RFTN1: variants seen among roughly 807,000 people sequenced by gnomAD.
RFTN1 encodes the protein raftlin.
A neutral mutation model predicts 46.5 loss-of-function variants in RFTN1; 26 were observed. The ratio of observed to expected loss-of-function variants is 0.56; its 90% CI spans 0.41 to 0.78. The LOEUF is 0.78. Ranked by LOEUF, RFTN1 falls within the 30% of genes least tolerant of loss-of-function variation. The pLI is 0.00. For synonymous variants in RFTN1, 261 were observed against 284.2 expected (o/e 0.92, Z 0.82); for missense variants, 693 against 718.7 (o/e 0.96, Z 0.41).
At chr3:16,394,191 G>T (rs1372930966) in intron 4 of RFTN1, among the ~76,000 whole-genome samples, 1 of 151,826 alleles carries the variant, frequency 6.6e-6, no homozygotes, top group African/African-American at 2.4e-5. Flanking sequence ...GGGTAACATA[G>T]CATGACCCCA....
rs78695850 is a variant in RFTN1 at position 16,336,388 on chromosome 3, G to C, written c.1147-9512C>G. The stretch of plus-strand genomic sequence containing the variant: ...CCCATGGAGGTGAGGTGGAGGGAGG[G>C]AGAAGGGAAGGGGCGACCTGCTGCT... On this transcript the variant is annotated intron_variant, in intron 7 of 9. Transcript: ENST00000334133. This position sits in a 1 kb window ranked among gnomAD's most constrained non-coding sequence, Gnocchi z 6.0. Among the ~76,000 whole-genome samples, 1 of 152,310 alleles carries C rather than the reference G, an allele frequency of 6.6e-6. No homozygotes were observed. The highest frequency in any genetic ancestry group is 2.1e-4 in the South Asian group (1 of 4,824).
chr3:16,458,447 A>G lies in RFTN1; in HGVS notation c.146-24410T>C, dbSNP rs971501415. The stretch of plus-strand genomic sequence containing the variant: ...CATTTGGAAGACATTTTCCCTCCTC[A>G]TGATGTGAATTTTTCCTTTCACTTG... On this transcript the variant is annotated intron_variant, in intron 2 of 9. Coordinates refer to ENST00000334133, the MANE Select transcript of RFTN1 (RefSeq NM_015150.2). The surrounding 1 kb of genome is among the most constrained non-coding windows in gnomAD (Gnocchi z 5.1). Among the ~76,000 whole-genome samples, 2 of 152,224 alleles carry G rather than the reference A, an allele frequency of 1.3e-5. No homozygotes were observed. Among genetic ancestry groups the G allele is most frequent in the African/African-American group, 4.8e-5 (2 of 41,450 alleles).
At chr3:16,445,423 C>T (rs1314415692) in intron 2 of RFTN1, among the ~76,000 whole-genome samples, 1 of 151,954 alleles carries the variant, frequency 6.6e-6, no homozygotes, top group Non-Finnish European at 1.5e-5. Context: ...TTTCCCCCCA[C>T]TCTGTCTCTC....
rs529611389 is a variant in RFTN1, at chr3:16,499,858, G to T, written c.-8-5981C>A. Among the ~76,000 whole-genome samples, 170 of 152,284 alleles carry T rather than the reference G, an allele frequency of 1.1e-3. No homozygotes were observed. Among genetic ancestry groups the T allele is most frequent in the African/African-American group, 4.0e-3 (165 of 41,558 alleles). On this transcript the variant is annotated intron_variant, in intron 1 of 9. Coordinates refer to ENST00000334133, the MANE Select transcript of RFTN1 (RefSeq NM_015150.2). This position sits in a 1 kb window ranked among gnomAD's most constrained non-coding sequence, Gnocchi z 4.9. ...ACATTTGTGTAGAGGTTTTTATATG[G>T]ACATAAGTTTTCACTTCTCTAGGGT...
chr3:16,457,354 T>G lies in RFTN1; in HGVS notation c.146-23317A>C, dbSNP rs910037773. Among the ~76,000 whole-genome samples, 5 of 152,256 alleles carry G rather than the reference T, an allele frequency of 3.3e-5. No individual in the cohort carries two copies. The highest frequency in any genetic ancestry group is 1.2e-4 in the African/African-American group (5 of 41,468). On this transcript the variant is annotated intron_variant, in intron 2 of 9. Transcript: ENST00000334133. This position sits in a 1 kb window ranked among gnomAD's most constrained non-coding sequence, Gnocchi z 4.2. ...TTGCCAAGTGACCTTGCATGAGTTC[T>G]TAATCTTCCTCCAAGTATAAAAAGG...
In RFTN1 at chr3:16,433,802, A is replaced by T. The variant is rs752688400; in HGVS notation, c.332+49T>A. Reference sequence around the variant, plus strand: ...TCTCACTTCCCCTCCTCTATTGAGCATAACTTAGCCGCAACAGGATGCTAC... The same window carrying T: ...TCTCACTTCCCCTCCTCTATTGAGCTTAACTTAGCCGCAACAGGATGCTAC... On this transcript the variant is annotated intron_variant, in intron 3 of 9. Transcript: ENST00000334133. This position sits in a 1 kb window ranked among gnomAD's most constrained non-coding sequence, Gnocchi z 4.4. The T allele has an allele frequency of 6.3e-7, 1 of 1,590,322 alleles. No individual in the cohort carries two copies. Among genetic ancestry groups the T allele is most frequent in the South Asian group, 1.1e-5 (1 of 90,590 alleles).
rs1029781037 is a variant in RFTN1 at position 16,440,538 on chromosome 3, T to C, written c.146-6501A>G. 6.6e-6 allele frequency among the ~76,000 whole-genome samples: 1 copy of C among 152,080 alleles called. No homozygotes were observed. Among genetic ancestry groups the C allele is most frequent in the African/African-American group, 2.4e-5 (1 of 41,412 alleles). ...CAGGGGCAGAGTCTCATCTCCTTAC[T>C]GGACAGAGGGCTTGGTGCAGATCCC... On this transcript the variant is annotated intron_variant, in intron 2 of 9. Transcript: ENST00000334133. The surrounding 1 kb of genome is among the most constrained non-coding windows in gnomAD (Gnocchi z 4.6).
chr3:16,454,116 G>A (rs1180302114), intron 2 of RFTN1, among the ~76,000 whole-genome samples: 1 of 152,122 alleles, frequency 6.6e-6, no homozygotes. Context: ...ACTGTAACCA[G>A]GTCTCCTTAG....
At position 16,377,960 on chromosome 3, in the gene RFTN1, C is replaced by G. The variant is rs1270443461; in HGVS notation, c.584G>C (p.Gly195Ala). The change falls in exon 5 of 10, where the codon GGG (glycine) becomes GCG (alanine). Residue 195 changes from glycine (G) to alanine (A), a missense_variant. Gly to Ala is a moderately conservative substitution (Grantham distance 60). Transcript: ENST00000334133. ...CTCATTCTCCAGTGACGCGTGATCCCCACGTGCGTTTTTTGCATCTCTGGC... is the reference window on the plus strand; with the variant it reads ...CTCATTCTCCAGTGACGCGTGATCCGCACGTGCGTTTTTTGCATCTCTGGC... The part of the protein sequence containing the change: ...EDARDAKNAR[G>A]DHASLENEKP... The G allele has an allele frequency of 6.2e-7, 1 of 1,614,112 alleles. No individual in the cohort carries two copies. Among genetic ancestry groups the G allele is most frequent in the African/African-American group, 1.3e-5 (1 of 74,932 alleles).
In RFTN1 at chr3:16,370,221, G is replaced by A. The variant is rs2073437836; in HGVS notation, c.885C>T (p.Tyr295=). 11 of 1,614,242 alleles carry A rather than the reference G, an allele frequency of 6.8e-6. No homozygotes were observed. Among genetic ancestry groups the A allele is most frequent in the Non-Finnish European group, 8.5e-6 (10 of 1,180,040 alleles). ...CATGGAGAGGAATGGTGACAGGGTA[G>A]TATTGCCGGCACTTCTGATGGCTCT... ...KPKSHQKCRQ[Y]YPVTIPLHVS... Residue 295 remains tyrosine, a synonymous_variant, in exon 6 of 10, where the codon TAC becomes TAT. Transcript: ENST00000334133. This position sits in a 1 kb window ranked among gnomAD's most constrained non-coding sequence, Gnocchi z 5.5.
chr3:16,415,430 T>TATATATACACACACAC, intron 3 of RFTN1, among the ~76,000 whole-genome samples: 1 of 114,276 alleles, frequency 8.8e-6, no homozygotes, highest in Non-Finnish European at 2.0e-5. Context: ...TATATATATA[T>TATATATACACACACAC]ACACACACAC....
At position 16,422,790 on chromosome 3, in the gene RFTN1, T is replaced by C. The variant is rs990865642; in HGVS notation, c.332+11061A>G. The stretch of plus-strand genomic sequence containing the variant: ...GTACATATAGAAATCCTAACTATAA[T>C]AAAGGTGGCATTTATTCAATGGCAA... On this transcript the variant is annotated intron_variant, in intron 3 of 9. Coordinates refer to ENST00000334133, the MANE Select transcript of RFTN1 (RefSeq NM_015150.2). This position sits in a 1 kb window ranked among gnomAD's most constrained non-coding sequence, Gnocchi z 4.6. 4.3e-4 allele frequency among the ~76,000 whole-genome samples: 65 copies of C among 152,318 alleles called. No individual in the cohort carries two copies. Among genetic ancestry groups the C allele is most frequent in the African/African-American group, 1.5e-3 (63 of 41,562 alleles).
At chr3:16,477,079 C>T (rs1185174775) in intron 2 of RFTN1, among the ~76,000 whole-genome samples, 1 of 152,184 alleles carries the variant, frequency 6.6e-6, no homozygotes, top group Non-Finnish European at 1.5e-5. Context: ...GCAACTATTA[C>T]ACTATTAAGG....
rs2074638532 is a variant in RFTN1 at position 16,402,833 on chromosome 3, C to A, written c.441+6542G>T. The stretch of plus-strand genomic sequence containing the variant: ...CAGTACACTCATTGAGTGGGACCAG[C>A]CGCCCCTCAACGGTCTTCATTGCAA... On this transcript the variant is annotated intron_variant, in intron 4 of 9. Transcript: ENST00000334133. The surrounding 1 kb of genome is among the most constrained non-coding windows in gnomAD (Gnocchi z 4.5). Among the ~76,000 whole-genome samples the A allele has an allele frequency of 1.3e-5, 2 of 152,150 alleles. No individual in the cohort carries two copies. Among genetic ancestry groups the A allele is most frequent in the Admixed American group, 1.3e-4 (2 of 15,276 alleles).
chr3:16,389,060 C>T (rs919378370), intron 4 of RFTN1, among the ~76,000 whole-genome samples: 1 of 152,232 alleles, frequency 6.6e-6, no homozygotes, highest in Non-Finnish European at 1.5e-5. Flanking sequence ...TTTCTCTTCA[C>T]ACCACACTGC....
At chr3:16,318,099 C>T (rs187811991) in intron 9 of RFTN1, among the ~76,000 whole-genome samples, 84 of 152,306 alleles carry the variant, frequency 5.5e-4, no homozygotes, top group African/African-American at 1.7e-3. Flanking sequence ...CCCAAGGTCA[C>T]GCGGCCAGTA....
intron 2 of RFTN1, among the ~76,000 whole-genome samples, chr3:16,434,400 A>AAAG (rs2075460178): frequency 6.9e-6 from 1 of 143,914 alleles, no homozygotes; most frequent in African/African-American, 2.5e-5. Context: ...AAACAAAAAC[A>AAAG]AAAAAACCCC....
In RFTN1 at chr3:16,427,180, T is replaced by C. The variant is rs1559341554; in HGVS notation, c.332+6671A>G. On this transcript the variant is annotated intron_variant, in intron 3 of 9. Coordinates refer to ENST00000334133, the MANE Select transcript of RFTN1 (RefSeq NM_015150.2). This position sits in a 1 kb window ranked among gnomAD's most constrained non-coding sequence, Gnocchi z 5.4. ...TGAGGCTAAAAGAGAAGTTTTCACA[T>C]AAAAATCCAGATTTCTGGCTTTTCT... is the stretch of plus-strand genomic sequence containing the variant. Among the ~76,000 whole-genome samples the C allele has an allele frequency of 6.6e-6, 1 of 152,196 alleles. No individual in the cohort carries two copies. The highest frequency in any genetic ancestry group is 1.5e-5 in the Non-Finnish European group (1 of 68,034).
rs112940969 is a variant in RFTN1 at position 16,489,907 on chromosome 3, CA to C, written c.145+3817del. Among the ~76,000 whole-genome samples the C allele has an allele frequency of 9.5e-5, 14 of 147,684 alleles. No individual in the cohort carries two copies. Among genetic ancestry groups the C allele is most frequent in the African/African-American group, 3.5e-4 (14 of 39,994 alleles). ...TAGGTGACAGAGCGAGACTCCATGT[CA>C]AAAAAAAACAAAATAAAGAAAGAAA... On this transcript the variant is annotated intron_variant, in intron 2 of 9. Transcript: ENST00000334133. This position sits in a 1 kb window ranked among gnomAD's most constrained non-coding sequence, Gnocchi z 4.0.
Sources: gnomAD v4.1 joint callset for allele counts (sites outside exome capture counted in the v4.1 genomes callset) on GRCh38, gnomAD v4.1.1 for gene constraint, Gnocchi (gnomAD v3.1) non-coding constraint, MANE v1.5 for transcripts, NCBI Gene and HGNC (gene_info 2026-07-23, HGNC 2026-07-21) for gene names.